The following ABCG4 variants were observed in gnomAD, a reference collection of about 807,000 sequenced individuals.
ABCG4 encodes the protein ATP binding cassette subfamily G member 4.
In ABCG4, 35 loss-of-function variants were observed where a neutral mutation model predicts 64.6. That is an observed-to-expected ratio of 0.54 (90% confidence interval 0.41 to 0.72). ABCG4 has a LOEUF of 0.72. Ranked by LOEUF, ABCG4 falls within the 30% of genes least tolerant of loss-of-function variation. The probability of loss-of-function intolerance (pLI) is 0.00; values close to 1 mark genes in which losing one functional copy is unlikely to be tolerated. For synonymous variants in ABCG4, 326 were observed against 348.2 expected (o/e 0.94, Z 0.71); for missense variants, 610 against 846.3 (o/e 0.72, Z 3.46).
Position 119,154,966 on chromosome 11 carries a change from G to A in ABCG4, c.686+51G>A, listed in dbSNP as rs2135122251. On this transcript the variant is annotated intron_variant, in intron 6 of 14. Coordinates refer to ENST00000619701, the MANE Select transcript of ABCG4 (RefSeq NM_022169.5). This position sits in a 1 kb window ranked among gnomAD's most constrained non-coding sequence, Gnocchi z 7.0. ...AGGATACCCCTCTCCTCTCGGCCCT[G>A]AGCCAGGGCTGGAGGCTGCATCTTC... is the stretch of plus-strand genomic sequence containing the variant. 1 of 1,566,500 alleles carries A rather than the reference G, an allele frequency of 6.4e-7. No individual in the cohort carries two copies. Among genetic ancestry groups the A allele is most frequent in the Non-Finnish European group, 8.7e-7 (1 of 1,149,242 alleles).
chr11:119,157,130 G>A (rs1948276537), intron 9 of ABCG4, 116 bp downstream of exon 9: 4 of 1,403,138 alleles, frequency 2.9e-6, no homozygotes, highest in Non-Finnish European at 3.8e-6. Flanking sequence ...ATGGGTGCTA[G>A]GAAGAACCTA....
In ABCG4 at chr11:119,156,208, G is replaced by A. The variant is rs944943939; in HGVS notation, c.687-121G>A. On this transcript the variant is annotated intron_variant, in intron 6 of 14. Transcript: ENST00000619701. The surrounding 1 kb of genome is among the most constrained non-coding windows in gnomAD (Gnocchi z 5.5). ...CCTGAACCGTAAAGGATACAGATGC[G>A]GCCAGAGTGCCCTCTTCCTGCCAGC... is the stretch of plus-strand genomic sequence containing the variant. 289 of 1,345,400 alleles carry A rather than the reference G, an allele frequency of 2.1e-4. No homozygotes were observed. The highest frequency in any genetic ancestry group is 2.5e-4 in the Middle Eastern group (1 of 4,054). The allele number at this position is 1,345,400 out of a possible 1,614,324, so 83.3% of individuals were successfully genotyped here.
In ABCG4 at chr11:119,156,572, C is replaced by T. The variant is rs760114542; in HGVS notation, c.819C>T (p.Ile273=). Residue 273 remains isoleucine (I), a synonymous_variant, in exon 8 of 15, where the codon ATC becomes ATT. Transcript: ENST00000619701. The surrounding 1 kb of genome is among the most constrained non-coding windows in gnomAD (Gnocchi z 5.5). ...KLFEMFDKLY[I]LSQGQCIFKG... ...TTCTCTTTCTGCTGCAGCTCTACAT[C>T]CTGAGCCAGGGTCAGTGCATCTTCA... The T allele has an allele frequency of 1.9e-6, 3 of 1,614,058 alleles. No homozygotes were observed. The African/African-American group carries it at 4.0e-5, about 22-fold the overall frequency.
Position 119,151,263 on chromosome 11 carries a change from A to T in ABCG4, c.238+1060A>T, listed in dbSNP as rs569276449. On this transcript the variant is annotated intron_variant, in intron 2 of 14. Coordinates refer to ENST00000619701, the MANE Select transcript of ABCG4 (RefSeq NM_022169.5). Reference sequence around the variant, plus strand: ...TTTTAAGAAACTAAGATTTTTTTTTAAAATGTGTCTAGACGGGCCAGCTCT... The same window carrying T: ...TTTTAAGAAACTAAGATTTTTTTTTTAAATGTGTCTAGACGGGCCAGCTCT... Among the ~76,000 whole-genome samples the T allele has an allele frequency of 6.3e-4, 96 of 151,994 alleles. No individual in the cohort carries two copies. The South Asian group carries it at 6.6e-3, about 11-fold the overall frequency.
chr11:119,158,428 C>G lies in ABCG4; in HGVS notation c.1167+96C>G. The G allele has an allele frequency of 6.4e-7, 1 of 1,555,998 alleles. No homozygotes were observed. The highest frequency in any genetic ancestry group is 8.9e-7 in the Non-Finnish European group (1 of 1,128,756). On this transcript the variant is annotated intron_variant, in intron 10 of 14. Transcript: ENST00000619701. The surrounding 1 kb of genome is among the most constrained non-coding windows in gnomAD (Gnocchi z 4.5). ...TGAAATGGGAATGGGGACCCTCCCTCACAGCCCTGCAATGTGCCTGTGGGG... is the reference window on the plus strand; with the variant it reads ...TGAAATGGGAATGGGGACCCTCCCTGACAGCCCTGCAATGTGCCTGTGGGG...
rs1948334745 is a variant in ABCG4, at chr11:119,160,524, C to G, written c.1597-14C>G. 3 of 1,607,304 alleles carry G rather than the reference C, an allele frequency of 1.9e-6. No homozygotes were observed. The highest frequency in any genetic ancestry group is 2.7e-5 in the African/African-American group (2 of 74,854). On this transcript the variant is annotated splice_polypyrimidine_tract_variant and intron_variant, in intron 13 of 14. Transcript: ENST00000619701. The surrounding 1 kb of genome is among the most constrained non-coding windows in gnomAD (Gnocchi z 4.6). ...CACCCCTATGATGGCCTGGCCCCCTCCCTTCCCCTCTAGGTGGCCACTTTT... is the reference window on the plus strand; with the variant it reads ...CACCCCTATGATGGCCTGGCCCCCTGCCTTCCCCTCTAGGTGGCCACTTTT...
chr11:119,156,699 A>G lies in ABCG4; in HGVS notation c.925+21A>G. 6.2e-7 allele frequency: 1 copy of G among 1,612,954 alleles called. No individual in the cohort carries two copies. The highest frequency in any genetic ancestry group is 8.5e-7 in the Non-Finnish European group (1 of 1,179,022). Reference sequence around the variant, plus strand: ...CTTCAGTGAGTGGGGGTCTGTTGGTAGGGGCTGGGAAACAGCAGTGGGCCG... The same window carrying G: ...CTTCAGTGAGTGGGGGTCTGTTGGTGGGGGCTGGGAAACAGCAGTGGGCCG... On this transcript the variant is annotated intron_variant, in intron 8 of 14. Coordinates refer to ENST00000619701, the MANE Select transcript of ABCG4 (RefSeq NM_022169.5). This position sits in a 1 kb window ranked among gnomAD's most constrained non-coding sequence, Gnocchi z 5.5.
At position 119,156,283 on chromosome 11, in the gene ABCG4, G is replaced by T. The variant is rs759007629; in HGVS notation, c.687-46G>T. On this transcript the variant is annotated intron_variant, in intron 6 of 14. Transcript: ENST00000619701. This position sits in a 1 kb window ranked among gnomAD's most constrained non-coding sequence, Gnocchi z 5.5. ...CCGCCCCAGACACTCCCTTCTTTTG[G>T]CCTCACCCACCTCACGTGGCCCCCT... The T allele has an allele frequency of 9.9e-6, 16 of 1,613,166 alleles. No individual in the cohort carries two copies. The South Asian group carries it at 1.8e-4, about 18-fold the overall frequency.
At chr11:119,152,518 G>T (rs1377972773) in intron 2 of ABCG4, among the ~76,000 whole-genome samples, 1 of 152,148 alleles carries the variant, frequency 6.6e-6, no homozygotes, top group Non-Finnish European at 1.5e-5. Flanking sequence ...CTCTGTGGGG[G>T]TTAGAGGGGG....
At chr11:119,151,454 T>C (rs1307301716) in intron 2 of ABCG4, among the ~76,000 whole-genome samples, 1 of 152,058 alleles carries the variant, frequency 6.6e-6, no homozygotes, top group Non-Finnish European at 1.5e-5. Context: ...CTGTTTTCCA[T>C]TGAATCCCTC....
chr11:119,151,325 C>T (rs1354476396), intron 2 of ABCG4, among the ~76,000 whole-genome samples: 2 of 152,198 alleles, frequency 1.3e-5, no homozygotes, highest in Non-Finnish European at 2.9e-5. Flanking sequence ...GATTGATATC[C>T]CTCACCTGGC....
rs868434734 is a variant in ABCG4, at chr11:119,158,235, A to G, written c.1070A>G (p.Glu357Gly). The change falls in exon 10 of 15, where the codon GAA becomes GGA. Residue 357 changes from glutamate to glycine, a missense_variant and splice_region_variant. By Grantham distance (98) the Glu-to-Gly change is moderately conservative. Coordinates refer to ENST00000619701, the MANE Select transcript of ABCG4 (RefSeq NM_022169.5). This position sits in a 1 kb window ranked among gnomAD's most constrained non-coding sequence, Gnocchi z 4.5. ...VPAPCPPCPP[E>G]VDPIESHTFA... ...CCCGATCCAATTTCTTCTTCCCAGG[A>G]AGTGGATCCCATTGAAAGCCACACC... 3.2e-6 allele frequency: 5 copies of G among 1,584,200 alleles called. No individual in the cohort carries two copies. The South Asian group carries it at 5.7e-5, about 18-fold the overall frequency.
At chr11:119,159,339 T>C (rs1764183941) in intron 12 of ABCG4, among the ~76,000 whole-genome samples, 1 of 151,492 alleles carries the variant, frequency 6.6e-6, no homozygotes, top group African/African-American at 2.4e-5. Flanking sequence ...ATACAAAAAT[T>C]AACCAGGCTT....
chr11:119,161,208 C>T lies in ABCG4; in HGVS notation c.*102C>T, dbSNP rs181366074. On this transcript the variant is annotated 3_prime_UTR_variant, in exon 15 of 15. Coordinates refer to ENST00000619701, the MANE Select transcript of ABCG4 (RefSeq NM_022169.5). The stretch of plus-strand genomic sequence containing the variant: ...TATAGACTTGGGCACTGGTTCCTGG[C>T]GGGGCTATCCTCTCCTCCCTTGGCT... 34 of 1,101,050 alleles carry T rather than the reference C, an allele frequency of 3.1e-5. No individual in the cohort carries two copies. Among genetic ancestry groups the T allele is most frequent in the Admixed American group, 2.6e-4 (10 of 38,198 alleles). The allele number at this position is 1,101,050 out of a possible 1,614,324, so 68.2% of individuals were successfully genotyped here.
Position 119,154,763 on chromosome 11 carries a change from G to C in ABCG4, c.541-7G>C, listed in dbSNP as rs1168737682. On this transcript the variant is annotated splice_polypyrimidine_tract_variant and splice_region_variant and intron_variant, in intron 5 of 14. Coordinates refer to ENST00000619701, the MANE Select transcript of ABCG4 (RefSeq NM_022169.5). The surrounding 1 kb of genome is among the most constrained non-coding windows in gnomAD (Gnocchi z 7.0). ...AAGCTGACCTGGCATGGGTGGGGTG[G>C]GGCCAGGTGACAGAGATCCTGACGG... 6.2e-7 allele frequency: 1 copy of C among 1,605,802 alleles called. No homozygotes were observed. Among genetic ancestry groups the C allele is most frequent in the Non-Finnish European group, 8.5e-7 (1 of 1,173,606 alleles).
In ABCG4 at chr11:119,158,248, T is replaced by G; in HGVS notation, c.1083T>G (p.Ile361Met). Residue 361 changes from isoleucine to methionine, a missense_variant, in exon 10 of 15, where the codon ATT (isoleucine) becomes ATG (methionine). By Grantham distance (10) the Ile-to-Met change is conservative. Coordinates refer to ENST00000619701, the MANE Select transcript of ABCG4 (RefSeq NM_022169.5). The surrounding 1 kb of genome is among the most constrained non-coding windows in gnomAD (Gnocchi z 4.5). Reference sequence around the variant, plus strand: ...CTTCTTCCCAGGAAGTGGATCCCATTGAAAGCCACACCTTTGCCACCAGCA... The same window carrying G: ...CTTCTTCCCAGGAAGTGGATCCCATGGAAAGCCACACCTTTGCCACCAGCA... ...CPPCPPEVDP[I>M]ESHTFATSTL... The G allele has an allele frequency of 6.3e-7, 1 of 1,591,442 alleles. No individual in the cohort carries two copies. The highest frequency in any genetic ancestry group is 1.3e-5 in the African/African-American group (1 of 74,592).
In ABCG4 at chr11:119,156,703, G is replaced by A; in HGVS notation, c.925+25G>A. 1.2e-6 allele frequency: 2 copies of A among 1,612,590 alleles called. No individual in the cohort carries two copies. The highest frequency in any genetic ancestry group is 1.7e-6 in the Non-Finnish European group (2 of 1,178,656). On this transcript the variant is annotated intron_variant, in intron 8 of 14. Coordinates refer to ENST00000619701, the MANE Select transcript of ABCG4 (RefSeq NM_022169.5). This position sits in a 1 kb window ranked among gnomAD's most constrained non-coding sequence, Gnocchi z 5.5. ...AGTGAGTGGGGGTCTGTTGGTAGGG[G>A]CTGGGAAACAGCAGTGGGCCGAACC...
rs759685520 is a variant in ABCG4, at chr11:119,158,215, T to C, written c.1069-19T>C. 9.6e-6 allele frequency: 15 copies of C among 1,557,988 alleles called. No homozygotes were observed. The highest frequency in any genetic ancestry group is 1.3e-5 in the Non-Finnish European group (15 of 1,149,578). On this transcript the variant is annotated intron_variant, in intron 9 of 14. Transcript: ENST00000619701. This position sits in a 1 kb window ranked among gnomAD's most constrained non-coding sequence, Gnocchi z 4.5. ...ATGGGGTAGGCTCACCTGATCCCGA[T>C]CCAATTTCTTCTTCCCAGGAAGTGG...
Position 119,150,000 on chromosome 11 carries a change from G to T in ABCG4, c.35G>T (p.Gly12Val). The T allele has an allele frequency of 6.2e-7, 1 of 1,610,938 alleles. No homozygotes were observed. Residue 12 changes from glycine to valine, a missense_variant, in exon 2 of 15, where the codon GGA becomes GTA. Coordinates refer to ENST00000619701, the MANE Select transcript of ABCG4 (RefSeq NM_022169.5). This position sits in a 1 kb window ranked among gnomAD's most constrained non-coding sequence, Gnocchi z 8.3. ...AAGGCGCTGGAGGCCGTGGGCTGTG[G>T]ACTAGGGCCGGGGGCTGTGGCCATG... is the stretch of plus-strand genomic sequence containing the variant. The part of the protein sequence containing the change: ...AEKALEAVGC[G>V]LGPGAVAMAV...
Sources: gnomAD v4.1 joint callset for allele counts (sites outside exome capture counted in the v4.1 genomes callset) on GRCh38, gnomAD v4.1.1 for gene constraint, Gnocchi (gnomAD v3.1) non-coding constraint, MANE v1.5 for transcripts, NCBI Gene and HGNC (gene_info 2026-07-23, HGNC 2026-07-21) for gene names.